FSTL1: variants seen among roughly 807,000 people sequenced by gnomAD.
The protein encoded by FSTL1 is follistatin like 1, also known as follistatin-related protein 1.
Under a neutral mutation model 45.9 loss-of-function variants are expected in FSTL1, and 24 were observed. That is an observed-to-expected ratio of 0.52 (90% CI 0.38 to 0.74). The LOEUF (loss-of-function observed/expected upper bound fraction) is 0.74, where lower values mean the gene tolerates loss of function less well. FSTL1 is among the 30% of genes least tolerant of loss of function. The pLI, the probability that FSTL1 is intolerant of heterozygous loss-of-function variation, is 0.00. For missense variants in FSTL1, 340 were observed against 381.8 expected (o/e 0.89, Z 0.91); for synonymous variants, 120 against 137.6 (o/e 0.87, Z 0.89).
At chr3:120,403,951 C>CAAAAAA (rs1390160630) in intron 7 of FSTL1, among the ~76,000 whole-genome samples, 1 of 80,670 alleles carries the variant, frequency 1.2e-5, no homozygotes, top group African/African-American at 5.4e-5. Flanking sequence ...AAAACAAAAA[C>CAAAAAA]AAAACAAAAC....
At chr3:120,414,676 G>A (rs1312501419) in intron 3 of FSTL1, among the ~76,000 whole-genome samples, 1 of 151,774 alleles carries the variant, frequency 6.6e-6, no homozygotes, top group African/African-American at 2.4e-5. Context: ...GGATCCTGTT[G>A]ATCTGTGACC....
At chr3:120,407,448 T>G (rs933620958) in intron 6 of FSTL1, among the ~76,000 whole-genome samples, 1 of 152,254 alleles carries the variant, frequency 6.6e-6, no homozygotes, top group Non-Finnish European at 1.5e-5. Context: ...ACCTGGGTCT[T>G]TCTTTCTTCA....
intron 2 of FSTL1, among the ~76,000 whole-genome samples, chr3:120,428,136 C>CA (rs1937415805): frequency 6.6e-6 from 1 of 152,204 alleles, no homozygotes; most frequent in African/African-American, 2.4e-5. Flanking sequence ...ACCCCTCCTC[C>CA]ACTCCCAAAA....
intron 2 of FSTL1, among the ~76,000 whole-genome samples, chr3:120,417,129 C>A (rs896749016): frequency 6.6e-6 from 1 of 152,122 alleles, no homozygotes; most frequent in Non-Finnish European, 1.5e-5. Context: ...GCAGGAGGCA[C>A]GATGGGGTCA....
At chr3:120,450,790 G>C (rs1405310846) in intron 1 of FSTL1, 44 bp from the exon 2 acceptor site, 5 of 1,451,890 alleles carry the variant, frequency 3.4e-6, no homozygotes, top group Admixed American at 4.0e-5. Flanking sequence ...GCCGGGCCCC[G>C]CGCTGACCTG....
chr3:120,425,413 C>T (rs867314340), intron 2 of FSTL1, among the ~76,000 whole-genome samples: 5 of 151,308 alleles, frequency 3.3e-5, no homozygotes, highest in Middle Eastern at 3.5e-3. Context: ...GAACTAGTAA[C>T]CTGGAGTGTA....
At chr3:120,450,767 C>T in intron 1 of FSTL1, 21 bp from the exon 2 acceptor site, 2 of 1,561,002 alleles carry the variant, frequency 1.3e-6, no homozygotes, top group South Asian at 1.2e-5. Context: ...GAGAAGAGAG[C>T]GAGTCTGAAG....
rs1937013683 is a variant in FSTL1, at chr3:120,409,678, G to A, written c.332-16C>T. 1 of 1,613,248 alleles carries A rather than the reference G, an allele frequency of 6.2e-7. No homozygotes were observed. The highest frequency in any genetic ancestry group is 8.5e-7 in the Non-Finnish European group (1 of 1,179,526). ...TAGCAAACAACTGCAGGAAAGTGGA[G>A]GATGTCAGCTGGAGCAGTCAGGGGA... is the stretch of plus-strand genomic sequence containing the variant. On this transcript the variant is annotated splice_polypyrimidine_tract_variant and intron_variant, in intron 5 of 10. Transcript: ENST00000295633.
intron 7 of FSTL1, among the ~76,000 whole-genome samples, chr3:120,404,212 T>C (rs1169587551): frequency 1.3e-5 from 2 of 152,166 alleles, no homozygotes; most frequent in African/African-American, 4.8e-5. Context: ...TATCAAAATA[T>C]GAAGGATTTA....
intron 2 of FSTL1, among the ~76,000 whole-genome samples, chr3:120,438,982 C>T (rs1240655943): frequency 2.0e-5 from 3 of 152,144 alleles, no homozygotes; most frequent in Non-Finnish European, 4.4e-5. Context: ...ACAGTTTAAG[C>T]CTAACTAAGA....
chr3:120,420,831 G>A (rs1175945529), intron 2 of FSTL1, among the ~76,000 whole-genome samples: 1 of 152,174 alleles, frequency 6.6e-6, no homozygotes, highest in African/African-American at 2.4e-5. Context: ...CACAGTTGTA[G>A]AATTGAGGCC....
At chr3:120,400,645 A>G (rs1431890106) in intron 9 of FSTL1, among the ~76,000 whole-genome samples, 1 of 152,238 alleles carries the variant, frequency 6.6e-6, no homozygotes, top group Non-Finnish European at 1.5e-5. Context: ...AAACATTGCT[A>G]TCAACCTTCC....
At position 120,396,877 on chromosome 3, in the gene FSTL1, G is replaced by A. The variant is rs1473579168; in HGVS notation, c.*75C>T. Reference sequence around the variant, plus strand: ...TACTGGTGATTTGGCGACTGTAGCAGACACTTGTGTATACTGAACTCAGCG... The same window carrying A: ...TACTGGTGATTTGGCGACTGTAGCAAACACTTGTGTATACTGAACTCAGCG... On this transcript the variant is annotated 3_prime_UTR_variant, in exon 11 of 11. Transcript: ENST00000295633. 5.0e-6 allele frequency: 5 copies of A among 1,007,028 alleles called. No homozygotes were observed. Among genetic ancestry groups the A allele is most frequent in the Non-Finnish European group, 6.3e-6 (4 of 633,568 alleles). 62.4% of individuals were successfully genotyped at this position (1,007,028 alleles called of 1,614,324 possible). A position where few individuals can be genotyped will look rare whatever the true frequency, so the allele number is the denominator to read the frequency against.
At chr3:120,412,838 GCACACACA>G (rs71156798) in intron 3 of FSTL1, among the ~76,000 whole-genome samples, 56 of 106,184 alleles carry the variant, frequency 5.3e-4, no homozygotes, top group Middle Eastern at 5.4e-3. Context: ...GCGCGCGCGC[GCACACACA>G]CACACACACA....
intron 2 of FSTL1, among the ~76,000 whole-genome samples, chr3:120,433,399 G>T (rs369016838): frequency 1.8e-4 from 28 of 152,344 alleles, no homozygotes; most frequent in African/African-American, 6.3e-4. Flanking sequence ...ACGGCACAGA[G>T]ATGACTATCA....
At chr3:120,412,665 A>G (rs1937081239) in intron 3 of FSTL1, among the ~76,000 whole-genome samples, 1 of 152,214 alleles carries the variant, frequency 6.6e-6, no homozygotes, top group South Asian at 2.1e-4. Context: ...AAAGCCAGAA[A>G]TTTGAATTCT....
chr3:120,427,577 A>G (rs1937403451), intron 2 of FSTL1, among the ~76,000 whole-genome samples: 1 of 152,162 alleles, frequency 6.6e-6, no homozygotes, highest in African/African-American at 2.4e-5. Context: ...AATACCCTAA[A>G]GACCCTGCCC....
rs1433847708 is a variant in FSTL1 at position 120,395,278 on chromosome 3, A to G, written c.*1674T>C. ...TTTCTGCAAATGAGATCTTATGTCA[A>G]GGATTTAATCTTTGGTATTCCAAAT... is the stretch of plus-strand genomic sequence containing the variant. On this transcript the variant is annotated 3_prime_UTR_variant, in exon 11 of 11. Transcript: ENST00000295633. 1 of 186,188 alleles carries G rather than the reference A, an allele frequency of 5.4e-6. No homozygotes were observed. The highest frequency in any genetic ancestry group is 1.8e-4 in the East Asian group (1 of 5,652). The allele number at this position is 186,188 out of a possible 1,614,324, so 11.5% of individuals were successfully genotyped here.
intron 3 of FSTL1, among the ~76,000 whole-genome samples, chr3:120,412,838 GCA>G (rs71156798): frequency 0.047 from 4,977 of 105,882 alleles, 91 homozygotes; most frequent in Non-Finnish European, 0.051. Context: ...GCGCGCGCGC[GCA>G]CACACACACA....
Sources: allele counts gnomAD v4.1 joint callset (sites outside exome capture counted in the v4.1 genomes callset), GRCh38; gene constraint gnomAD v4.1.1; transcripts MANE v1.5; gene names NCBI Gene and HGNC (gene_info 2026-07-23, HGNC 2026-07-21).